Variants in KIAA0319 observed in about 807,000 individuals in gnomAD.
The protein encoded by KIAA0319 is KIAA0319.
In KIAA0319, 83 loss-of-function variants were observed where a neutral mutation model predicts 108.4. That is an observed-to-expected ratio of 0.77 (90% CI 0.64 to 0.92). The LOEUF (loss-of-function observed/expected upper bound fraction) is 0.92, where lower values mean the gene tolerates loss of function less well. Among genes scored for constraint, KIAA0319 ranks in the 40% least tolerant of loss-of-function variants. The probability of loss-of-function intolerance (pLI) is 0.00; values close to 1 mark genes in which losing one functional copy is unlikely to be tolerated. For missense variants in KIAA0319, 1,195 were observed against 1,322.4 expected (o/e 0.90, Z 1.49); for synonymous variants, 484 against 510.4 (o/e 0.95, Z 0.70).
intron 16 of KIAA0319, among the ~76,000 whole-genome samples, chr6:24,561,527 A>G (rs1277752599): frequency 6.6e-6 from 1 of 152,158 alleles, no homozygotes; most frequent in Non-Finnish European, 1.5e-5. Context: ...ACAATGATCC[A>G]TAATATTCTC....
At position 24,599,313 on chromosome 6, in the gene KIAA0319, A is replaced by G. The variant is rs1770244425; in HGVS notation, c.55+1736T>C. On this transcript the variant is annotated intron_variant, in intron 2 of 20. Transcript: ENST00000378214. The surrounding 1 kb of genome is among the most constrained non-coding windows in gnomAD (Gnocchi z 4.1). ...GAACATCAGCCGGCTCCAGACTGAGACTGAGGGCCTCAAAGGCTAGAGGGC... is the reference window on the plus strand; with the variant it reads ...GAACATCAGCCGGCTCCAGACTGAGGCTGAGGGCCTCAAAGGCTAGAGGGC... 8.1e-6 allele frequency: 4 copies of G among 495,330 alleles called. No individual in the cohort carries two copies. Among genetic ancestry groups the G allele is most frequent in the Non-Finnish European group, 1.5e-5 (4 of 265,324 alleles). 30.7% of individuals were successfully genotyped at this position (495,330 alleles called of 1,614,324 possible). A position where few individuals can be genotyped will look rare whatever the true frequency, so the allele number is the denominator to read the frequency against.
At chr6:24,637,682 T>C (rs1220230873) in intron 1 of KIAA0319, among the ~76,000 whole-genome samples, 1 of 152,190 alleles carries the variant, frequency 6.6e-6, no homozygotes, top group Non-Finnish European at 1.5e-5. Context: ...AGTGCCCTCT[T>C]ATGGCCTTAG....
At chr6:24,628,900 C>T (rs1004211060) in intron 1 of KIAA0319, among the ~76,000 whole-genome samples, 2 of 152,158 alleles carry the variant, frequency 1.3e-5, no homozygotes, top group Non-Finnish European at 2.9e-5. Flanking sequence ...CCTCTCATAA[C>T]CTCTTCTTGA....
rs537721467 is a variant in KIAA0319, at chr6:24,591,526, A to C, written c.802-2741T>G. Among the ~76,000 whole-genome samples the C allele has an allele frequency of 2.8e-4, 43 of 152,272 alleles. No homozygotes were observed. The South Asian group carries it at 7.7e-3, about 27-fold the overall frequency. On this transcript the variant is annotated intron_variant, in intron 3 of 20. Coordinates refer to ENST00000378214, the MANE Select transcript of KIAA0319 (RefSeq NM_014809.4). ...TGAGGTGAGAGAATCACTGGAGCCC[A>C]GGAGTTTAAGGATGCAGTAAGCCAT...
intron 6 of KIAA0319, 89 bp from the exon 7 acceptor site, chr6:24,581,102 A>T (rs1766467340): frequency 2.5e-6 from 2 of 800,872 alleles, no homozygotes; most frequent in African/African-American, 3.4e-5. Flanking sequence ...CAGAAGCCGC[A>T]CTCCTAAAGT....
chr6:24,581,013 A>C lies in KIAA0319; in HGVS notation c.1192T>G (p.Leu398Val). The part of the protein sequence containing the change: ...GHKQTLNLSQ[L>V]SVGLYVFKVT... ...TTGAAGACATAAAGTCCGACGGACAACTGTAACATAAAGAAAAGTTGTACA... is the reference window on the plus strand; with the variant it reads ...TTGAAGACATAAAGTCCGACGGACACCTGTAACATAAAGAAAAGTTGTACA... Residue 398 changes from leucine to valine, a missense_variant and splice_region_variant, in exon 7 of 21, where the codon TTG becomes GTG. Leu to Val is a conservative substitution (Grantham distance 32). Coordinates refer to ENST00000378214, the MANE Select transcript of KIAA0319 (RefSeq NM_014809.4). 1 of 1,600,066 alleles carries C rather than the reference A, an allele frequency of 6.2e-7. No homozygotes were observed. The highest frequency in any genetic ancestry group is 8.6e-7 in the Non-Finnish European group (1 of 1,167,724).
Position 24,629,320 on chromosome 6 carries a change from C to G in KIAA0319, c.-106+16416G>C, listed in dbSNP as rs542425592. ...CACGAGGTCAGGAGATTGAGACCAT[C>G]CTGGCTAACACGGTGAAACCCCATC... On this transcript the variant is annotated intron_variant, in intron 1 of 20. Coordinates refer to ENST00000378214, the MANE Select transcript of KIAA0319 (RefSeq NM_014809.4). 1.3e-4 allele frequency among the ~76,000 whole-genome samples: 20 copies of G among 151,960 alleles called. No homozygotes were observed. The East Asian group carries it at 3.7e-3, about 28-fold the overall frequency.
intron 19 of KIAA0319, 133 bp downstream of exon 19, chr6:24,554,408 T>C (rs1050943341): frequency 4.4e-6 from 3 of 687,082 alleles, no homozygotes; most frequent in Non-Finnish European, 7.6e-6. Context: ...TAGGCACTTA[T>C]GCTTTGTGGC....
rs911011837 is a variant in KIAA0319, at chr6:24,599,022, C to T, written c.55+2027G>A. ...AGGGCTGAATAACGAGATCAACTTC[C>T]TCAGGCAGCTGTATGAAGAGGAGAT... On this transcript the variant is annotated intron_variant, in intron 2 of 20. Transcript: ENST00000378214. The surrounding 1 kb of genome is among the most constrained non-coding windows in gnomAD (Gnocchi z 4.1). 2.8e-6 allele frequency: 2 copies of T among 720,460 alleles called. No individual in the cohort carries two copies. The highest frequency in any genetic ancestry group is 3.4e-5 in the African/African-American group (2 of 58,348). 44.6% of individuals were successfully genotyped at this position (720,460 alleles called of 1,614,324 possible).
intron 6 of KIAA0319, 44 bp from the exon 7 acceptor site, chr6:24,581,057 G>A: frequency 8.1e-7 from 1 of 1,227,888 alleles, no homozygotes; most frequent in Non-Finnish European, 1.2e-6. Context: ...TGCAAGACGT[G>A]ATGGGTCCAC....
chr6:24,607,055 A>C (rs529346900), intron 1 of KIAA0319, among the ~76,000 whole-genome samples: 2 of 152,322 alleles, frequency 1.3e-5, no homozygotes, highest in East Asian at 3.9e-4. Context: ...TCTCTTGAAC[A>C]TTTGTTTCTA....
At chr6:24,583,464 T>C (rs1766937436) in intron 5 of KIAA0319, 140 bp downstream of exon 5, 2 of 669,386 alleles carry the variant, frequency 3.0e-6, no homozygotes, top group Admixed American at 3.1e-5. Context: ...TTAAGAATAA[T>C]CAAAGCCTTG....
chr6:24,594,704 A>T (rs1769184721), intron 3 of KIAA0319, among the ~76,000 whole-genome samples: 1 of 152,042 alleles, frequency 6.6e-6, no homozygotes, highest in Admixed American at 6.5e-5. Flanking sequence ...CATGGTTGAG[A>T]TTATAATGTA....
chr6:24,576,688 G>A (rs188175022), intron 9 of KIAA0319, 92 bp from the exon 10 acceptor site: 558 of 1,009,376 alleles, frequency 5.5e-4, no homozygotes, highest in Admixed American at 1.1e-3. Flanking sequence ...GGGAAGCTGA[G>A]GTGGGAGGAT....
Position 24,559,160 on chromosome 6 carries a change from G to C in KIAA0319, c.2592-5C>G. On this transcript the variant is annotated splice_region_variant and splice_polypyrimidine_tract_variant and intron_variant, in intron 16 of 20. Transcript: ENST00000378214. ...ACATAAAACACAATCACGGTGCTGT[G>C]GAGGAGACAATGAGAGAGGACAGCC... The C allele has an allele frequency of 1.2e-6, 2 of 1,612,126 alleles. No individual in the cohort carries two copies. The highest frequency in any genetic ancestry group is 1.7e-6 in the Non-Finnish European group (2 of 1,179,774).
At chr6:24,595,341 T>C (rs1401827256) in intron 3 of KIAA0319, among the ~76,000 whole-genome samples, 1 of 151,934 alleles carries the variant, frequency 6.6e-6, no homozygotes, top group Non-Finnish European at 1.5e-5. Flanking sequence ...GGTCAGGAGA[T>C]CTAGACCATC....
chr6:24,624,066 G>A (rs1234987290), intron 1 of KIAA0319, among the ~76,000 whole-genome samples: 2 of 113,946 alleles, frequency 1.8e-5, no homozygotes, highest in African/African-American at 6.9e-5. Flanking sequence ...ACTCTATCAC[G>A]CAGGCTGGAG....
intron 1 of KIAA0319, among the ~76,000 whole-genome samples, chr6:24,639,166 A>G (rs1175866960): frequency 6.6e-6 from 1 of 152,262 alleles, no homozygotes. Flanking sequence ...CCTTATATCC[A>G]GAGAGTACAA....
rs113950787 is a variant in KIAA0319, at chr6:24,573,766, T to A, written c.1735-1068A>T. On this transcript the variant is annotated intron_variant, in intron 10 of 20. Coordinates refer to ENST00000378214, the MANE Select transcript of KIAA0319 (RefSeq NM_014809.4). ...TTTTAGCAGAATTTATTTGAGCTTTTTTATTATTATTTTTTTTAACCACAA... is the reference window on the plus strand; with the variant it reads ...TTTTAGCAGAATTTATTTGAGCTTTATTATTATTATTTTTTTTAACCACAA... Among the ~76,000 whole-genome samples, 484 of 152,348 alleles carry A rather than the reference T, an allele frequency of 3.2e-3. 4 individuals are homozygous for A. The highest frequency in any genetic ancestry group is 7.9e-3 in the African/African-American group (328 of 41,562).
Sources: allele counts gnomAD v4.1 joint callset (sites outside exome capture counted in the v4.1 genomes callset), GRCh38; gene constraint gnomAD v4.1.1; non-coding constraint Gnocchi (gnomAD v3.1); transcripts MANE v1.5; gene names NCBI Gene and HGNC (gene_info 2026-07-23, HGNC 2026-07-21).